Variants in HSP90AA1 observed in about 807,000 individuals in gnomAD.
HSP90AA1 encodes heat shock protein HSP 90-alpha.
HSP90AA1 carries 18 observed loss-of-function variants against 73.3 expected under a neutral mutation model. The observed-to-expected ratio is 0.25, with a 90% CI of 0.17 to 0.36. The LOEUF is 0.36. Among genes scored for constraint, HSP90AA1 ranks in the 10% least tolerant of loss-of-function variants. HSP90AA1 has a pLI of 1.00. For missense variants in HSP90AA1, 704 were observed against 874.2 expected, an observed-to-expected ratio of 0.81 and a Z score of 2.45; for synonymous variants, 477 against 296.9, an observed-to-expected ratio of 1.61 and a Z score of -6.24.
upstream of HSP90AA1, chr14:102,087,129 G>A (rs1463689655): frequency 7.1e-6 from 7 of 984,138 alleles, no homozygotes; most frequent in Admixed American, 6.2e-5. Context: ...CGAACCTTCC[G>A]GAAGAACCCT....
rs561626954 is a variant in HSP90AA1 at position 102,133,855 on chromosome 14, G to A, written c.155+5395C>T. ...TGGGGGAAGGTCATCTCTAGCAAGG[G>A]ACATAGCTAAGGATGACAGCAGGTT... On this transcript the variant is annotated intron_variant, in intron 1 of 11. Coordinates refer to the HSP90AA1 transcript ENST00000334701. Among the ~76,000 whole-genome samples the A allele has an allele frequency of 1.2e-4, 18 of 152,216 alleles. No individual in the cohort carries two copies. In the South Asian group the frequency reaches 3.7e-3, roughly 32 times the overall value.
upstream of HSP90AA1, among the ~76,000 whole-genome samples, chr14:102,090,725 A>C (rs2049346142): frequency 6.6e-6 from 1 of 152,264 alleles, no homozygotes; most frequent in Admixed American, 6.5e-5. Context: ...TGCTGGGATT[A>C]GAGGCGTGAG....
At chr14:102,093,199 AAT>A (rs1189169750) in intron 2 of HSP90AA1, among the ~76,000 whole-genome samples, 2 of 149,258 alleles carry the variant, frequency 1.3e-5, no homozygotes, top group African/African-American at 4.9e-5. Context: ...TAAATTAAAA[AAT>A]ATATATATAT....
chr14:102,090,446 A>C (rs1595663602), upstream of HSP90AA1, among the ~76,000 whole-genome samples: 1 of 140,078 alleles, frequency 7.1e-6, no homozygotes, highest in Non-Finnish European at 1.5e-5. Flanking sequence ...TTCCTCAACA[A>C]CATATTTCTT....
At chr14:102,137,950 G>C (rs1367180074) in intron 1 of HSP90AA1, among the ~76,000 whole-genome samples, 1 of 151,766 alleles carries the variant, frequency 6.6e-6, no homozygotes, top group African/African-American at 2.4e-5. Context: ...GGGAGGCAGA[G>C]GTTGCAGTGA....
At chr14:102,124,801 A>G (rs2049821359) in intron 1 of HSP90AA1, among the ~76,000 whole-genome samples, 1 of 152,200 alleles carries the variant, frequency 6.6e-6, no homozygotes, top group Admixed American at 6.5e-5. Flanking sequence ...TATGTACTAT[A>G]CTGTCACAAT....
At chr14:102,087,082 G>A (rs1457497411), upstream of HSP90AA1, 2 of 983,772 alleles carry the variant, frequency 2.0e-6, no homozygotes, top group South Asian at 4.7e-5. Context: ...ATAGCGACGG[G>A]CCCGCCCAGC....
intron 3 of HSP90AA1, 80 bp from the exon 4 acceptor site, chr14:102,085,511 C>G: frequency 7.1e-7 from 1 of 1,408,668 alleles, no homozygotes; most frequent in Non-Finnish European, 1.0e-6. Flanking sequence ...TATAACGTGT[C>G]TATAAAGCAA....
At chr14:102,116,580 G>C (rs1021276627) in intron 1 of HSP90AA1, among the ~76,000 whole-genome samples, 12 of 152,186 alleles carry the variant, frequency 7.9e-5, no homozygotes, top group Non-Finnish European at 1.6e-4. Flanking sequence ...CCCAGGCCTG[G>C]AGCCTCTGCT....
chr14:102,112,857 AT>A, intron 1 of HSP90AA1, among the ~76,000 whole-genome samples: 1 of 151,886 alleles, frequency 6.6e-6, no homozygotes, highest in East Asian at 1.9e-4. Flanking sequence ...GAGGTTTTTT[AT>A]TTTCCTAAGT....
In HSP90AA1 at chr14:102,084,528, G is replaced by A. The variant is rs1236622861; in HGVS notation, c.1018C>T (p.Leu340Phe). The part of the protein sequence containing the change: ...SVEGQLEFRA[L>F]LFVPRRAPFD... The stretch of plus-strand genomic sequence containing the variant: ...GGAGCACGTCGTGGGACAAATAGAA[G>A]GGCTCTGAATTCCAACTGTCCTTCA... Residue 340 changes from leucine to phenylalanine, a missense_variant, in exon 6 of 11, where the codon CTT becomes TTT. By Grantham distance (22) the Leu-to-Phe change is conservative. Transcript: ENST00000216281. The A allele has an allele frequency of 1.2e-6, 2 of 1,614,008 alleles. No homozygotes were observed. Among genetic ancestry groups the A allele is most frequent in the East Asian group, 2.2e-5 (1 of 44,894 alleles).
intron 2 of HSP90AA1, among the ~76,000 whole-genome samples, chr14:102,092,790 A>T (rs1056182882): frequency 6.6e-6 from 1 of 152,090 alleles, no homozygotes; most frequent in Non-Finnish European, 1.5e-5. Context: ...AGGGTCTGTC[A>T]CTCAGGCTGG....
intron 1 of HSP90AA1, among the ~76,000 whole-genome samples, chr14:102,103,921 T>G (rs2049529545): frequency 1.3e-5 from 2 of 151,840 alleles, no homozygotes; most frequent in African/African-American, 2.4e-5. Context: ...GGAGAATTAC[T>G]TGAACATGGG....
chr14:102,118,229 G>T (rs939089060), intron 1 of HSP90AA1, among the ~76,000 whole-genome samples: 1 of 152,274 alleles, frequency 6.6e-6, no homozygotes, highest in East Asian at 1.9e-4. Context: ...CAGCCACAGA[G>T]GTTTCTAGCC....
chr14:102,124,320 T>C (rs1408834225), intron 1 of HSP90AA1, among the ~76,000 whole-genome samples: 2 of 149,944 alleles, frequency 1.3e-5, no homozygotes, highest in Non-Finnish European at 3.0e-5. Flanking sequence ...GCCTCCCACA[T>C]AGCTGGGATT....
At chr14:102,114,375 G>A (rs1229974799) in intron 1 of HSP90AA1, among the ~76,000 whole-genome samples, 3 of 152,174 alleles carry the variant, frequency 2.0e-5, no homozygotes, top group Non-Finnish European at 1.5e-5. Flanking sequence ...GTCTGCTTAT[G>A]ACTAAGAGTA....
chr14:102,085,292 A>G lies in HSP90AA1; in HGVS notation c.663+6T>C. The G allele has an allele frequency of 6.2e-7, 1 of 1,610,822 alleles. No homozygotes were observed. The highest frequency in any genetic ancestry group is 8.5e-7 in the Non-Finnish European group (1 of 1,177,978). ...AAATTCACTCTGCAATTACATAAAA[A>G]CTTACAAAAAGAGTAATGGGATATC... On this transcript the variant is annotated splice_donor_region_variant and intron_variant, in intron 4 of 10. Coordinates refer to ENST00000216281, the MANE Select transcript of HSP90AA1 (RefSeq NM_005348.4).
chr14:102,102,660 A>T lies in HSP90AA1; in HGVS notation c.156-575T>A, dbSNP rs956923546. Among the ~76,000 whole-genome samples the T allele has an allele frequency of 1.3e-5, 2 of 152,242 alleles. 1 individual carries two copies. The highest frequency in any genetic ancestry group is 2.9e-5 in the Non-Finnish European group (2 of 68,048). ...CGCATACGACTTGTGAGAGTTTCTC[A>T]TCAAATGGGAATAGTAATGTCTACT... On this transcript the variant is annotated intron_variant, in intron 1 of 11. Coordinates refer to the HSP90AA1 transcript ENST00000334701.
intron 9 of HSP90AA1, 34 bp downstream of exon 9, chr14:102,083,000 G>C: frequency 6.3e-7 from 1 of 1,598,488 alleles, no homozygotes; most frequent in Non-Finnish European, 8.6e-7. Flanking sequence ...CACCTTAGAA[G>C]TATCAATGAT....
Sources: gnomAD v4.1 joint callset for allele counts (sites outside exome capture counted in the v4.1 genomes callset) on GRCh38, gnomAD v4.1.1 for gene constraint, MANE v1.5 for transcripts, NCBI Gene and HGNC (gene_info 2026-07-23, HGNC 2026-07-21) for gene names.